NUCB2: variants seen among roughly 807,000 people sequenced by gnomAD.
NUCB2 encodes the protein nucleobindin 2.
Under a neutral mutation model 57.9 loss-of-function variants are expected in NUCB2, and 48 were observed. The observed-to-expected ratio is 0.83, with a 90% CI of 0.66 to 1.05. The LOEUF is 1.05. NUCB2 is among the 50% of genes least tolerant of loss of function. The pLI, the probability that NUCB2 is intolerant of heterozygous loss-of-function variation, is 0.00. For synonymous variants in NUCB2, 139 were observed against 152.1 expected (o/e 0.91, Z 0.64); for missense variants, 442 against 476.2 (o/e 0.93, Z 0.67).
chr11:17,304,281 G>A (rs893584730), intron 5 of NUCB2, among the ~76,000 whole-genome samples: 7 of 150,968 alleles, frequency 4.6e-5, no homozygotes, highest in African/African-American at 7.3e-5. Flanking sequence ...TGCAACCTCC[G>A]CCTCCTGTGT....
intron 4 of NUCB2, among the ~76,000 whole-genome samples, chr11:17,300,397 A>G (rs564706789): frequency 2.0e-5 from 3 of 152,266 alleles, no homozygotes; most frequent in Admixed American, 2.0e-4. Flanking sequence ...TTGTTCCCCA[A>G]AAGAAACTGT....
rs781020187 is a variant in NUCB2, at chr11:17,311,288, C to T, written c.760+5C>T. On this transcript the variant is annotated splice_donor_5th_base_variant and intron_variant, in intron 8 of 13. Transcript: ENST00000529010. The stretch of plus-strand genomic sequence containing the variant: ...AGACATTTTTCAAATTACATGGTAA[C>T]GATTTGATACAAATATTAATATTTA... 126 of 1,542,672 alleles carry T rather than the reference C, an allele frequency of 8.2e-5. No homozygotes were observed. The highest frequency in any genetic ancestry group is 2.1e-4 in the Admixed American group (11 of 53,426).
At chr11:17,346,850 A>T (rs1181875519) in intron 2 of NUCB2, among the ~76,000 whole-genome samples, 3 of 152,174 alleles carry the variant, frequency 2.0e-5, no homozygotes, top group Non-Finnish European at 4.4e-5. Flanking sequence ...CTGCGCTAAG[A>T]TCCAATCTGG....
At chr11:17,344,051 C>T (rs1952516172) in intron 2 of NUCB2, among the ~76,000 whole-genome samples, 1 of 152,102 alleles carries the variant, frequency 6.6e-6, no homozygotes, top group Non-Finnish European at 1.5e-5. Context: ...GTTTCAATTG[C>T]AGAGAGTTCT....
intron 4 of NUCB2, among the ~76,000 whole-genome samples, chr11:17,299,853 A>G (rs896498842): frequency 1.6e-4 from 25 of 152,090 alleles, no homozygotes; most frequent in Non-Finnish European, 3.5e-4. Flanking sequence ...GCAGTGAGCC[A>G]TGATCATGCT....
At chr11:17,348,938 C>G (rs912338470) in intron 2 of NUCB2, among the ~76,000 whole-genome samples, 6 of 152,146 alleles carry the variant, frequency 3.9e-5, no homozygotes, top group East Asian at 1.9e-4. Context: ...TGCCACCACA[C>G]CTGGCTAAGT....
chr11:17,295,401 T>C lies in NUCB2; in HGVS notation c.78T>C (p.Pro26=), dbSNP rs762003416. ...TCLLTALEAV[P]IDIDKTKVQN... ...TACTTACTGCTCTTGAAGCTGTGCC[T>C]ATTGACATAGACAAGACAAAAGTAC... The change falls in exon 3 of 14, where the codon CCT becomes CCC. Residue 26 remains proline, a synonymous_variant. Coordinates refer to ENST00000529010, the MANE Select transcript of NUCB2 (RefSeq NM_005013.4). 5 of 1,613,662 alleles carry C rather than the reference T, an allele frequency of 3.1e-6. No homozygotes were observed. In the Admixed American group the frequency reaches 8.3e-5, roughly 27 times the overall value.
rs1168997434 is a variant in NUCB2 at position 17,330,404 on chromosome 11, G to GCT, written c.1173+108_1173+109dup. 6.5e-6 allele frequency: 4 copies of GCT among 613,436 alleles called. No individual in the cohort carries two copies. The highest frequency in any genetic ancestry group is 1.1e-5 in the Non-Finnish European group (4 of 372,894). 38.0% of individuals were successfully genotyped at this position (613,436 alleles called of 1,614,324 possible). On this transcript the variant is annotated intron_variant, in intron 12 of 13. Transcript: ENST00000529010. The surrounding 1 kb of genome is among the most constrained non-coding windows in gnomAD (Gnocchi z 4.3). ...TTGTACTATATAGTACACTGCTATA[G>GCT]CTATACTATAGTATTTTAAATTTTA... is the stretch of plus-strand genomic sequence containing the variant.
chr11:17,300,872 C>T (rs1242030691), intron 4 of NUCB2, among the ~76,000 whole-genome samples: 1 of 151,312 alleles, frequency 6.6e-6, no homozygotes, highest in East Asian at 1.9e-4. Context: ...CACCATTTTA[C>T]AATTTAACCT....
intron 11 of NUCB2, among the ~76,000 whole-genome samples, chr11:17,326,726 CAA>C (rs1950735755): frequency 6.6e-6 from 1 of 152,062 alleles, no homozygotes; most frequent in South Asian, 2.1e-4. Context: ...TTACTTAAGT[CAA>C]GAGAAGTTTA....
chr11:17,333,684 C>T (rs1369125166), downstream of NUCB2: 1 of 152,092 alleles, frequency 6.6e-6, no homozygotes, highest in African/African-American at 2.4e-5. Context: ...TAGGATGGCT[C>T]CTATTATTTG....
intron 2 of NUCB2, among the ~76,000 whole-genome samples, chr11:17,340,826 A>G (rs1952200125): frequency 6.6e-6 from 1 of 152,192 alleles, no homozygotes; most frequent in Non-Finnish European, 1.5e-5. Context: ...GTTCCATATG[A>G]ACTTTAAAGT....
In NUCB2 at chr11:17,330,384, C is replaced by T. The variant is rs552346333; in HGVS notation, c.1173+87C>T. 3.1e-5 allele frequency: 28 copies of T among 890,750 alleles called. No homozygotes were observed. The highest frequency in any genetic ancestry group is 2.0e-4 in the South Asian group (10 of 49,936). 55.2% of individuals were successfully genotyped at this position (890,750 alleles called of 1,614,324 possible). A position where few individuals can be genotyped will look rare whatever the true frequency, so the allele number is the denominator to read the frequency against. ...TGTTTTTGTAACATATTTCATTGTACTATATAGTACACTGCTATAGCTATA... is the reference window on the plus strand; with the variant it reads ...TGTTTTTGTAACATATTTCATTGTATTATATAGTACACTGCTATAGCTATA... On this transcript the variant is annotated intron_variant, in intron 12 of 13. Coordinates refer to ENST00000529010, the MANE Select transcript of NUCB2 (RefSeq NM_005013.4). The surrounding 1 kb of genome is among the most constrained non-coding windows in gnomAD (Gnocchi z 4.3).
chr11:17,343,478 G>T (rs1305114077), intron 2 of NUCB2, among the ~76,000 whole-genome samples: 1 of 152,166 alleles, frequency 6.6e-6, no homozygotes, highest in Non-Finnish European at 1.5e-5. Flanking sequence ...TGTGCATGGG[G>T]TGTGAGGCAC....
chr11:17,285,600 T>C (rs896030066), intron 2 of NUCB2, among the ~76,000 whole-genome samples: 26 of 145,068 alleles, frequency 1.8e-4, no homozygotes, highest in African/African-American at 4.4e-4. Flanking sequence ...AAAAATTAGC[T>C]GGGCGTGGTG....
rs749100219 is a variant in NUCB2, at chr11:17,310,858, C to T, written c.517C>T (p.Arg173Cys). ...TSDLEHYDKT[R>C]HEEFKKYEMM... ...TGATCTGGAACACTATGACAAGACT[C>T]GTCATGAAGAATTTAAAAAATATGA... Residue 173 changes from arginine (R) to cysteine (C), a missense_variant, in exon 7 of 14, where the codon CGT (arginine) becomes TGT (cysteine). Coordinates refer to ENST00000529010, the MANE Select transcript of NUCB2 (RefSeq NM_005013.4). 8.2e-6 allele frequency: 13 copies of T among 1,588,246 alleles called. No homozygotes were observed. Among genetic ancestry groups the T allele is most frequent in the African/African-American group, 1.4e-5 (1 of 72,760 alleles).
chr11:17,318,604 A>T (rs1949609528), intron 11 of NUCB2, among the ~76,000 whole-genome samples: 1 of 152,184 alleles, frequency 6.6e-6, no homozygotes, highest in East Asian at 1.9e-4. Flanking sequence ...AGGCTTGAAC[A>T]TCCTGATATA....
At chr11:17,281,455 TTACAG>T (rs1229583054) in intron 1 of NUCB2, among the ~76,000 whole-genome samples, 1 of 152,298 alleles carries the variant, frequency 6.6e-6, no homozygotes, top group African/African-American at 2.4e-5. Flanking sequence ...CTTTGGGTGT[TTACAG>T]AACAGATTTT....
chr11:17,321,362 C>T lies in NUCB2; in HGVS notation c.1002+5887C>T, dbSNP rs190921959. On this transcript the variant is annotated intron_variant, in intron 11 of 13. Coordinates refer to ENST00000529010, the MANE Select transcript of NUCB2 (RefSeq NM_005013.4). ...GTAGGAACATGTGATATTTGTCTTT[C>T]TGTGCCTGGCTTATTTCACTTAACA... is the stretch of plus-strand genomic sequence containing the variant. Among the ~76,000 whole-genome samples, 361 of 152,232 alleles carry T rather than the reference C, an allele frequency of 2.4e-3. 1 individual carries two copies. Among genetic ancestry groups the T allele is most frequent in the African/African-American group, 8.1e-3 (338 of 41,558 alleles).
Sources: allele counts gnomAD v4.1 joint callset (sites outside exome capture counted in the v4.1 genomes callset), GRCh38; gene constraint gnomAD v4.1.1; non-coding constraint Gnocchi (gnomAD v3.1); transcripts MANE v1.5; gene names NCBI Gene and HGNC (gene_info 2026-07-23, HGNC 2026-07-21).